Variants in ZSCAN1 observed in about 807,000 individuals in gnomAD.
The protein encoded by ZSCAN1 is zinc finger and SCAN domain containing 1, also known as zinc finger and SCAN domain-containing protein 1.
A neutral mutation model predicts 23.8 loss-of-function variants in ZSCAN1; 23 were observed. The observed-to-expected ratio is 0.97, with a 90% CI of 0.70 to 1.37. The LOEUF is 1.37. Among genes scored for constraint, ZSCAN1 ranks in the 40% most tolerant of loss-of-function variants. The probability of loss-of-function intolerance (pLI) is 0.00; values close to 1 mark genes in which losing one functional copy is unlikely to be tolerated. For missense variants in ZSCAN1, 575 were observed against 554.0 expected, an observed-to-expected ratio of 1.04 and a Z score of -0.38; for synonymous variants, 236 against 232.3, an observed-to-expected ratio of 1.02 and a Z score of -0.15.
In ZSCAN1 at chr19:58,045,598, C is replaced by T. The variant is rs1177571168; in HGVS notation, c.465+5054C>T. On this transcript the variant is annotated intron_variant, in intron 4 of 5. Coordinates refer to ENST00000282326, the MANE Select transcript of ZSCAN1 (RefSeq NM_182572.4). This position sits in a 1 kb window ranked among gnomAD's most constrained non-coding sequence, Gnocchi z 4.3. ...AAGCTGCTGGAGCTACAGCTTCCTG[C>T]GCTTCCAGCTCACGATGCGGCTGCG... The T allele has an allele frequency of 3.9e-6, 4 of 1,036,598 alleles. No homozygotes were observed. Among genetic ancestry groups the T allele is most frequent in the South Asian group, 2.5e-5 (2 of 79,624 alleles). The allele number at this position is 1,036,598 out of a possible 1,614,324, so 64.2% of individuals were successfully genotyped here. A position where few individuals can be genotyped will look rare whatever the true frequency, so the allele number is the denominator to read the frequency against.
Position 58,052,601 on chromosome 19 carries a change from G to A in ZSCAN1, c.577G>A (p.Glu193Lys), listed in dbSNP as rs376273314. The change falls in exon 5 of 6, where the codon GAA becomes AAA. Residue 193 changes from glutamate to lysine, a missense_variant. By Grantham distance (56) the Glu-to-Lys change is moderately conservative. Coordinates refer to ENST00000282326, the MANE Select transcript of ZSCAN1 (RefSeq NM_182572.4). Reference protein sequence around the residue: ...QQSLHTRAEAEAPRAPGLLGS... With the variant: ...QQSLHTRAEAKAPRAPGLLGS... ...GAGTCTGCACACCAGGGCGGAGGCC[G>A]AAGCGCCCCGCGCCCCTGGCTTGCT... 3.6e-5 allele frequency: 58 copies of A among 1,610,624 alleles called. No homozygotes were observed. The highest frequency in any genetic ancestry group is 3.5e-4 in the African/African-American group (26 of 74,872).
chr19:58,041,159 T>A (rs940056306), intron 4 of ZSCAN1, among the ~76,000 whole-genome samples: 1 of 152,250 alleles, frequency 6.6e-6, no homozygotes, highest in Admixed American at 6.5e-5. Flanking sequence ...TCAGGGCTAC[T>A]GAGTTTGACC....
rs140990020 is a variant in ZSCAN1, at chr19:58,039,244, T to C, written c.370+1038T>C. Among the ~76,000 whole-genome samples the C allele has an allele frequency of 2.0e-5, 3 of 152,300 alleles. No homozygotes were observed. The East Asian group carries it at 5.8e-4, about 29-fold the overall frequency. ...ATTGGCCCTTTGAACTCTCTGATCC[T>C]GGGGTAGAGGGCCCAAGAGCACTGG... is the stretch of plus-strand genomic sequence containing the variant. On this transcript the variant is annotated intron_variant, in intron 3 of 5. Coordinates refer to ENST00000282326, the MANE Select transcript of ZSCAN1 (RefSeq NM_182572.4).
At chr19:58,034,981 G>T (rs2073724496) in intron 1 of ZSCAN1, among the ~76,000 whole-genome samples, 1 of 151,786 alleles carries the variant, frequency 6.6e-6, no homozygotes, top group African/African-American at 2.4e-5. Context: ...TCCGGCATCA[G>T]CGGCAAAGCC....
Position 58,045,114 on chromosome 19 carries a change from A to G in ZSCAN1, c.465+4570A>G. On this transcript the variant is annotated intron_variant, in intron 4 of 5. Transcript: ENST00000282326. This position sits in a 1 kb window ranked among gnomAD's most constrained non-coding sequence, Gnocchi z 4.3. ...CCGCCTGCTACGGATCCACACCAAG[A>G]TCGCAGCACGCATGCTCTGGCGCAT... 8.0e-7 allele frequency: 1 copy of G among 1,253,218 alleles called. No homozygotes were observed. Among genetic ancestry groups the G allele is most frequent in the Non-Finnish European group, 1.2e-6 (1 of 854,748 alleles). 77.6% of individuals were successfully genotyped at this position (1,253,218 alleles called of 1,614,324 possible). A position where few individuals can be genotyped will look rare whatever the true frequency, so the allele number is the denominator to read the frequency against.
rs1291949769 is a variant in ZSCAN1 at position 58,047,639 on chromosome 19, C to G, written c.466-4851C>G. 6.6e-6 allele frequency among the ~76,000 whole-genome samples: 1 copy of G among 152,190 alleles called. No homozygotes were observed. Among genetic ancestry groups the G allele is most frequent in the Non-Finnish European group, 1.5e-5 (1 of 68,032 alleles). On this transcript the variant is annotated intron_variant, in intron 4 of 5. Transcript: ENST00000282326. The surrounding 1 kb of genome is among the most constrained non-coding windows in gnomAD (Gnocchi z 4.9). Reference sequence around the variant, plus strand: ...GGGGCTCTGAAGCACATTTGGGGTTCTTTGTAGCTTCTAATGTGAGGTTTG... The same window carrying G: ...GGGGCTCTGAAGCACATTTGGGGTTGTTTGTAGCTTCTAATGTGAGGTTTG...
chr19:58,046,226 T>C, intron 4 of ZSCAN1: 2 of 771,322 alleles, frequency 2.6e-6, no homozygotes, highest in Non-Finnish European at 4.8e-6. Context: ...TGCTCTAAGC[T>C]GCAGGAACAG....
rs368096933 is a variant in ZSCAN1 at position 58,052,638 on chromosome 19, G to T, written c.604+10G>T. On this transcript the variant is annotated intron_variant, in intron 5 of 5. Transcript: ENST00000282326. ...GCCCCTGGCTTGCTGGGTGAGTCTG[G>T]CTCCTGTGTGGATTAAGGGTTGGAA... The T allele has an allele frequency of 8.0e-5, 127 of 1,582,002 alleles. No individual in the cohort carries two copies. Among genetic ancestry groups the T allele is most frequent in the Non-Finnish European group, 1.0e-4 (122 of 1,164,442 alleles).
chr19:58,054,812 A>G (rs966841244), downstream of ZSCAN1, among the ~76,000 whole-genome samples: 2 of 152,190 alleles, frequency 1.3e-5, no homozygotes, highest in African/African-American at 4.8e-5. This position sits in a 1 kb window ranked among gnomAD's most constrained non-coding sequence, Gnocchi z 4.2. Flanking sequence ...GGCCTGACCA[A>G]AACTGACCTG....
chr19:58,037,565 C>A (rs1054315999), intron 2 of ZSCAN1, among the ~76,000 whole-genome samples, 163 bp from the exon 3 acceptor site: 2 of 152,026 alleles, frequency 1.3e-5, no homozygotes, highest in African/African-American at 4.8e-5. Context: ...TGCAAAGTAG[C>A]CTGTGAGAGG....
intron 4 of ZSCAN1, chr19:58,046,357 A>T: frequency 1.1e-6 from 1 of 935,516 alleles, no homozygotes; most frequent in Non-Finnish European, 1.8e-6. Flanking sequence ...AGAAAAATAC[A>T]TGGAAGGATC....
chr19:58,053,943 T>G lies in ZSCAN1; in HGVS notation c.1119T>G (p.Pro373=). 1.2e-6 allele frequency: 2 copies of G among 1,611,854 alleles called. No homozygotes were observed. The highest frequency in any genetic ancestry group is 8.5e-7 in the Non-Finnish European group (1 of 1,178,846). ...PRDGAQGPVA[P]RSPKRPFQCS... ...ATGGAGCCCAGGGCCCAGTGGCCCC[T>G]CGCAGCCCCAAAAGACCCTTCCAGT... The change falls in exon 6 of 6, where the codon CCT becomes CCG. Residue 373 remains proline (P), a synonymous_variant. Coordinates refer to ENST00000282326, the MANE Select transcript of ZSCAN1 (RefSeq NM_182572.4). This position sits in a 1 kb window ranked among gnomAD's most constrained non-coding sequence, Gnocchi z 5.8.
At position 58,047,065 on chromosome 19, in the gene ZSCAN1, C is replaced by A. The variant is rs1192714234; in HGVS notation, c.466-5425C>A. On this transcript the variant is annotated intron_variant, in intron 4 of 5. Transcript: ENST00000282326. This position sits in a 1 kb window ranked among gnomAD's most constrained non-coding sequence, Gnocchi z 4.9. The stretch of plus-strand genomic sequence containing the variant: ...GAAGGTGCCCCCCTGTGTGTGGCCT[C>A]ACGTCTCAGTGTCTGACTGTGCTGC... Among the ~76,000 whole-genome samples, 1 of 152,212 alleles carries A rather than the reference C, an allele frequency of 6.6e-6. No homozygotes were observed. The highest frequency in any genetic ancestry group is 2.4e-5 in the African/African-American group (1 of 41,450).
At position 58,047,891 on chromosome 19, in the gene ZSCAN1, G is replaced by A. The variant is rs1004158750; in HGVS notation, c.466-4599G>A. ...GCAGCATGGTCGGGCTGGCGAGGGC[G>A]TGGGCAGGCAGTGTCCTGTGGCCAC... On this transcript the variant is annotated intron_variant, in intron 4 of 5. Coordinates refer to ENST00000282326, the MANE Select transcript of ZSCAN1 (RefSeq NM_182572.4). The surrounding 1 kb of genome is among the most constrained non-coding windows in gnomAD (Gnocchi z 4.9). 4.6e-5 allele frequency among the ~76,000 whole-genome samples: 7 copies of A among 152,336 alleles called. No individual in the cohort carries two copies. The highest frequency in any genetic ancestry group is 9.6e-5 in the African/African-American group (4 of 41,584).
rs2073875892 is a variant in ZSCAN1, at chr19:58,053,929, G to A, written c.1105G>A (p.Gly369Ser). Residue 369 changes from glycine to serine, a missense_variant, in exon 6 of 6, where the codon GGC (glycine) becomes AGC (serine). Transcript: ENST00000282326. This position sits in a 1 kb window ranked among gnomAD's most constrained non-coding sequence, Gnocchi z 5.8. ...ESVPPRDGAQGPVAPRSPKRP... is the reference protein window; with the variant it reads ...ESVPPRDGAQSPVAPRSPKRP... ...CGTCCCACCCAGGGATGGAGCCCAGGGCCCAGTGGCCCCTCGCAGCCCCAA... is the reference window on the plus strand; with the variant it reads ...CGTCCCACCCAGGGATGGAGCCCAGAGCCCAGTGGCCCCTCGCAGCCCCAA... The A allele has an allele frequency of 2.5e-6, 4 of 1,612,676 alleles. No individual in the cohort carries two copies. The highest frequency in any genetic ancestry group is 3.3e-4 in the Middle Eastern group (2 of 6,056).
Position 58,051,618 on chromosome 19 carries a change from C to T in ZSCAN1, c.466-872C>T, listed in dbSNP as rs796070309. On this transcript the variant is annotated intron_variant, in intron 4 of 5. Coordinates refer to ENST00000282326, the MANE Select transcript of ZSCAN1 (RefSeq NM_182572.4). The stretch of plus-strand genomic sequence containing the variant: ...AAAGCGAAGACCCACTCAAGACAGA[C>T]CTTGTCAGTGCGTGCTTGACTCCTG... 7.9e-5 allele frequency among the ~76,000 whole-genome samples: 12 copies of T among 152,314 alleles called. 1 individual carries two copies. The highest frequency in any genetic ancestry group is 2.9e-4 in the African/African-American group (12 of 41,564).
chr19:58,035,000 C>G (rs2123414363), intron 1 of ZSCAN1, among the ~76,000 whole-genome samples: 1 of 152,016 alleles, frequency 6.6e-6, no homozygotes, highest in South Asian at 2.1e-4. Context: ...CCCTTCTGCC[C>G]ATCCCCGCAA....
intron 4 of ZSCAN1, chr19:58,044,893 CT>C: frequency 1.2e-6 from 1 of 811,674 alleles, no homozygotes. Context: ...GCCTCGGTGC[CT>C]TCCTGCCCGC....
Position 58,047,168 on chromosome 19 carries a change from C to T in ZSCAN1, c.466-5322C>T, listed in dbSNP as rs1369513283. 2.6e-5 allele frequency among the ~76,000 whole-genome samples: 4 copies of T among 152,206 alleles called. No individual in the cohort carries two copies. The highest frequency in any genetic ancestry group is 5.9e-5 in the Non-Finnish European group (4 of 68,036). On this transcript the variant is annotated intron_variant, in intron 4 of 5. Coordinates refer to ENST00000282326, the MANE Select transcript of ZSCAN1 (RefSeq NM_182572.4). This position sits in a 1 kb window ranked among gnomAD's most constrained non-coding sequence, Gnocchi z 4.9. ...TGGCTGCTACGCCCACCCTCAGAGGCGTCAGGAGACACAGCCTGGCCCCCT... is the reference window on the plus strand; with the variant it reads ...TGGCTGCTACGCCCACCCTCAGAGGTGTCAGGAGACACAGCCTGGCCCCCT...
Sources: allele counts gnomAD v4.1 joint callset (sites outside exome capture counted in the v4.1 genomes callset), GRCh38; gene constraint gnomAD v4.1.1; non-coding constraint Gnocchi (gnomAD v3.1); transcripts MANE v1.5; gene names NCBI Gene and HGNC (gene_info 2026-07-23, HGNC 2026-07-21).